Variants in NSD3 observed in about 807,000 individuals in gnomAD.
NSD3 encodes nuclear receptor binding SET domain protein 3.
A neutral mutation model predicts 160.8 loss-of-function variants in NSD3; 24 were observed. That is an observed-to-expected ratio of 0.15 (90% CI 0.11 to 0.21). The LOEUF is 0.21. Among genes scored for constraint, NSD3 ranks in the 10% least tolerant of loss-of-function variants. The pLI is 1.00. For missense variants in NSD3, 1,157 were observed against 1,735.9 expected, an observed-to-expected ratio of 0.67 and a Z score of 5.93; for synonymous variants, 520 against 600.0, an observed-to-expected ratio of 0.87 and a Z score of 1.95.
Position 38,270,635 on chromosome 8 carries a change from A to C in NSD3, c.*5006T>G, listed in dbSNP as rs1336547446. 1 of 152,240 alleles carries C rather than the reference A, an allele frequency of 6.6e-6. No individual in the cohort carries two copies. The highest frequency in any genetic ancestry group is 2.4e-5 in the African/African-American group (1 of 41,458). The allele number at this position is 152,240 out of a possible 1,614,324, so 9.4% of individuals were successfully genotyped here. ...ACCTTATATAGGTCATCTGACAGAT[A>C]CTTGAGGGCTGTTTGCACACATCAA... On this transcript the variant is annotated 3_prime_UTR_variant, in exon 24 of 24. Coordinates refer to ENST00000317025, the MANE Select transcript of NSD3 (RefSeq NM_023034.2).
chr8:38,359,029 C>T (rs1810893345), intron 1 of NSD3, among the ~76,000 whole-genome samples: 1 of 152,092 alleles, frequency 6.6e-6, no homozygotes. Context: ...CTAAAATCCT[C>T]TAATGTCAGT....
chr8:38,292,732 T>C (rs567643046), intron 16 of NSD3, among the ~76,000 whole-genome samples: 3 of 152,084 alleles, frequency 2.0e-5, no homozygotes, highest in Admixed American at 2.0e-4. Flanking sequence ...GAGCTTGCAG[T>C]GAGCCAAGAT....
chr8:38,276,154 G>T (rs1808597140), intron 23 of NSD3, 142 bp downstream of exon 23: 4 of 983,814 alleles, frequency 4.1e-6, no homozygotes, highest in Non-Finnish European at 6.0e-6. Flanking sequence ...AATGTGTAAG[G>T]GGAAAGATTT....
At chr8:38,372,472 C>T (rs1305412796) in intron 1 of NSD3, among the ~76,000 whole-genome samples, 12 of 150,076 alleles carry the variant, frequency 8.0e-5, no homozygotes, top group African/African-American at 2.9e-4. Flanking sequence ...GTTGAACTCG[C>T]ATGCTTATGA....
intron 23 of NSD3, 77 bp downstream of exon 23, chr8:38,276,219 G>A (rs1202989132): frequency 1.4e-6 from 2 of 1,465,932 alleles, no homozygotes; most frequent in Non-Finnish European, 1.9e-6. Flanking sequence ...CCTATCCCAT[G>A]GCATGGAATA....
At chr8:38,344,248 G>A (rs191962266) in intron 2 of NSD3, among the ~76,000 whole-genome samples, 9 of 152,132 alleles carry the variant, frequency 5.9e-5, no homozygotes, top group Admixed American at 2.6e-4. Context: ...AAAGTAGCAG[G>A]TGAAATCTTA....
chr8:38,300,116 T>C (rs1424084550), intron 14 of NSD3, among the ~76,000 whole-genome samples: 2 of 152,074 alleles, frequency 1.3e-5, no homozygotes, highest in African/African-American at 2.4e-5. Flanking sequence ...TGCCAGATAA[T>C]GAAACTCTTC....
chr8:38,284,028 G>A lies in NSD3; in HGVS notation c.3502-2445C>T, dbSNP rs78997520. ...TGAGGCAGGAGGATCACTTGAGCCCGAGAGTTCAAGGCTGCAGCGAGCTGT... is the reference window on the plus strand; with the variant it reads ...TGAGGCAGGAGGATCACTTGAGCCCAAGAGTTCAAGGCTGCAGCGAGCTGT... On this transcript the variant is annotated intron_variant, in intron 19 of 23. Transcript: ENST00000317025. Among the ~76,000 whole-genome samples, 1,701 of 152,206 alleles carry A rather than the reference G, an allele frequency of 0.011. 79 individuals are homozygous for A. In the East Asian group the frequency reaches 0.14, roughly 12 times the overall value.
At chr8:38,376,827 T>G (rs376257343) in intron 1 of NSD3, among the ~76,000 whole-genome samples, 99 of 152,342 alleles carry the variant, frequency 6.5e-4, no homozygotes, top group African/African-American at 2.2e-3. Flanking sequence ...TTCACTTCCA[T>G]AGGCCTCAGT....
Position 38,275,118 on chromosome 8 carries a change from G to A in NSD3, c.*523C>T. 4.3e-6 allele frequency: 1 copy of A among 233,576 alleles called. No individual in the cohort carries two copies. The highest frequency in any genetic ancestry group is 8.4e-6 in the Non-Finnish European group (1 of 118,522). The allele number at this position is 233,576 out of a possible 1,614,324, so 14.5% of individuals were successfully genotyped here. On this transcript the variant is annotated 3_prime_UTR_variant, in exon 24 of 24. Coordinates refer to ENST00000317025, the MANE Select transcript of NSD3 (RefSeq NM_023034.2). The stretch of plus-strand genomic sequence containing the variant: ...GGAAAGAGAAGTGAGCCTACCTACT[G>A]CTCAGTAAAGAGGTATATAAAGCTT...
chr8:38,323,821 CAAA>C (rs397891214), intron 7 of NSD3, among the ~76,000 whole-genome samples: 10 of 72,232 alleles, frequency 1.4e-4, no homozygotes, highest in East Asian at 3.8e-4. Context: ...GACCCTGTCT[CAAA>C]AAAAAAAAAA....
In NSD3 at chr8:38,329,863, C is replaced by T; in HGVS notation, c.1096G>A (p.Ala366Thr). The change falls in exon 6 of 24, where the codon GCT (alanine) becomes ACT (threonine). Residue 366 changes from alanine (A) to threonine (T), a missense_variant. By Grantham distance (58) the Ala-to-Thr change is moderately conservative (BLOSUM62 0). Coordinates refer to ENST00000317025, the MANE Select transcript of NSD3 (RefSeq NM_023034.2). This position sits in a 1 kb window ranked among gnomAD's most constrained non-coding sequence, Gnocchi z 4.8. ...IRKPRPQRER[A>T]QWDIGIAHAE... ...TGGGCAATGCCAATATCCCACTGAGCACGTTCTCTCTGAGGTCGGGGTTTC... is the reference window on the plus strand; with the variant it reads ...TGGGCAATGCCAATATCCCACTGAGTACGTTCTCTCTGAGGTCGGGGTTTC... The T allele has an allele frequency of 6.2e-7, 1 of 1,600,930 alleles. No individual in the cohort carries two copies. The highest frequency in any genetic ancestry group is 1.7e-5 in the Admixed American group (1 of 58,816).
At position 38,281,595 on chromosome 8, in the gene NSD3, T is replaced by G; in HGVS notation, c.3502-12A>C. On this transcript the variant is annotated splice_polypyrimidine_tract_variant and intron_variant, in intron 19 of 23. Transcript: ENST00000317025. The stretch of plus-strand genomic sequence containing the variant: ...TTTACAAATTCACCCTGGAGATAAA[T>G]GTGCAATATGTAACTTAAAATCAGT... 6.4e-7 allele frequency: 1 copy of G among 1,553,468 alleles called. No homozygotes were observed. The highest frequency in any genetic ancestry group is 2.3e-5 in the East Asian group (1 of 44,444).
chr8:38,357,067 C>T (rs1810842365), intron 1 of NSD3, among the ~76,000 whole-genome samples: 1 of 120,828 alleles, frequency 8.3e-6, no homozygotes, highest in South Asian at 2.6e-4. Context: ...TGCAGTGAGC[C>T]AAGATCACAC....
At position 38,290,694 on chromosome 8, in the gene NSD3, T is replaced by C. The variant is rs369203090; in HGVS notation, c.2916-17A>G. 471 of 1,612,058 alleles carry C rather than the reference T, an allele frequency of 2.9e-4. No individual in the cohort carries two copies. Among genetic ancestry groups the C allele is most frequent in the Non-Finnish European group, 3.8e-4 (449 of 1,179,218 alleles). ...GGCCACCATCTGAAAACAAAAGCAA[T>C]TTTAGATCAAGAGGGCAAAAACGAA... On this transcript the variant is annotated splice_polypyrimidine_tract_variant and intron_variant, in intron 16 of 23. Coordinates refer to ENST00000317025, the MANE Select transcript of NSD3 (RefSeq NM_023034.2).
intron 19 of NSD3, among the ~76,000 whole-genome samples, chr8:38,284,110 AAAAC>A (rs1448171221): frequency 1.3e-5 from 2 of 152,208 alleles, no homozygotes; most frequent in Non-Finnish European, 2.9e-5. Flanking sequence ...CAAGGAAAAA[AAAAC>A]AAACCAAAAT....
At chr8:38,290,360 T>C (rs1396188160) in intron 17 of NSD3, 115 bp downstream of exon 17, 4 of 1,044,188 alleles carry the variant, frequency 3.8e-6, no homozygotes, top group Non-Finnish European at 5.9e-6. Context: ...GGACACAGGA[T>C]CATAATGTCT....
chr8:38,347,734 C>G lies in NSD3; in HGVS notation c.438G>C (p.Lys146Asn). The change falls in exon 2 of 24, where the codon AAG becomes AAC. Residue 146 changes from lysine to asparagine, a missense_variant. By Grantham distance (94) the Lys-to-Asn change is moderately conservative. Transcript: ENST00000317025. ...GTTTAATTTCAGGTGAGCCAGTCTTCTTTGGAATCACAGTTTGTGGTACCG... is the reference window on the plus strand; with the variant it reads ...GTTTAATTTCAGGTGAGCCAGTCTTGTTTGGAATCACAGTTTGTGGTACCG... The part of the protein sequence containing the change: ...PPSVPQTVIP[K>N]KTGSPEIKLK... 1 of 1,612,412 alleles carries G rather than the reference C, an allele frequency of 6.2e-7. No individual in the cohort carries two copies.
chr8:38,358,302 A>G (rs1259704241), intron 1 of NSD3, among the ~76,000 whole-genome samples: 5 of 152,162 alleles, frequency 3.3e-5, no homozygotes, highest in Non-Finnish European at 5.9e-5. Flanking sequence ...GGTGGAATAT[A>G]ATATGATTTT....
Sources: gnomAD v4.1 joint callset for allele counts (sites outside exome capture counted in the v4.1 genomes callset) on GRCh38, gnomAD v4.1.1 for gene constraint, Gnocchi (gnomAD v3.1) non-coding constraint, MANE v1.5 for transcripts, NCBI Gene and HGNC (gene_info 2026-07-23, HGNC 2026-07-21) for gene names.